Variants in PCMT1 observed in about 807,000 individuals in gnomAD.
PCMT1 encodes the protein protein-L-isoaspartate(D-aspartate) O-methyltransferase.
PCMT1 carries 9 observed loss-of-function variants against 29.2 expected under a neutral mutation model. The ratio of observed to expected loss-of-function variants is 0.31; its 90% CI spans 0.19 to 0.54. The LOEUF (loss-of-function observed/expected upper bound fraction) is 0.54, where lower values mean the gene tolerates loss of function less well. Among genes scored for constraint, PCMT1 ranks in the 20% least tolerant of loss-of-function variants. The probability of loss-of-function intolerance (pLI) is 0.95; values close to 1 mark genes in which losing one functional copy is unlikely to be tolerated. For synonymous variants in PCMT1, 98 were observed against 97.5 expected, an observed-to-expected ratio of 1.00 and a Z score of -0.03; for missense variants, 184 against 282.2, an observed-to-expected ratio of 0.65 and a Z score of 2.49.
intron 3 of PCMT1, among the ~76,000 whole-genome samples, chr6:149,789,038 G>A (rs1788239564): frequency 6.8e-6 from 1 of 146,182 alleles, no homozygotes; most frequent in Admixed American, 6.8e-5. Flanking sequence ...AGATCTGGTA[G>A]TAAATGTGTT....
chr6:149,770,800 G>A (rs1252380353), intron 1 of PCMT1, among the ~76,000 whole-genome samples: 4 of 149,574 alleles, frequency 2.7e-5, no homozygotes, highest in African/African-American at 7.4e-5. Context: ...TCAGGAGATC[G>A]AGACCATCCT....
chr6:149,795,732 T>G (rs1788581985), intron 5 of PCMT1: 1 of 245,760 alleles, frequency 4.1e-6, no homozygotes. Context: ...GTCTTTTGAA[T>G]GTAGTACTAT....
rs1426086809 is a variant in PCMT1 at position 149,771,902 on chromosome 6, G to A, written c.160+636G>A. The A allele has an allele frequency of 2.2e-5, 10 of 445,590 alleles. No homozygotes were observed. In the Middle Eastern group the frequency reaches 1.1e-3, roughly 51 times the overall value. 27.6% of individuals were successfully genotyped at this position (445,590 alleles called of 1,614,324 possible). On this transcript the variant is annotated intron_variant, in intron 2 of 7. Coordinates refer to ENST00000464889, the MANE Select transcript of PCMT1 (RefSeq NM_001360452.2). ...GGGCCTTAGTGTTGACTAAAGATTA[G>A]TTTTCAGGTTAGGATTAATTTTTTA... is the stretch of plus-strand genomic sequence containing the variant.
intron 3 of PCMT1, 44 bp from the exon 4 acceptor site, chr6:149,789,910 G>A (rs2115309067): frequency 1.5e-6 from 2 of 1,293,212 alleles, no homozygotes; most frequent in Non-Finnish European, 2.2e-6. Context: ...ATACCATGAT[G>A]TGTGTACTTT....
At chr6:149,774,947 T>C (rs1583025084) in intron 3 of PCMT1, among the ~76,000 whole-genome samples, 1 of 152,076 alleles carries the variant, frequency 6.6e-6, no homozygotes, top group African/African-American at 2.4e-5. Flanking sequence ...GACCTTGTGA[T>C]CCGCCCGCCT....
At chr6:149,792,568 A>T (rs1788415071) in intron 4 of PCMT1, among the ~76,000 whole-genome samples, 1 of 152,060 alleles carries the variant, frequency 6.6e-6, no homozygotes, top group African/African-American at 2.4e-5. Context: ...GCTGGAGTGC[A>T]GTGGCACGAT....
intron 1 of PCMT1, among the ~76,000 whole-genome samples, chr6:149,768,181 T>TA (rs1457784929): frequency 1.3e-5 from 2 of 152,032 alleles, no homozygotes; most frequent in Non-Finnish European, 2.9e-5. Flanking sequence ...AGCCTCAACT[T>TA]ACTGAGCTTA....
chr6:149,791,777 A>G (rs1788383166), intron 4 of PCMT1, among the ~76,000 whole-genome samples: 1 of 152,236 alleles, frequency 6.6e-6, no homozygotes, highest in African/African-American at 2.4e-5. Context: ...AATGCCATTT[A>G]ATAAATGACT....
chr6:149,806,858 CTGGGATTA>C (rs1398788046), intron 7 of PCMT1, among the ~76,000 whole-genome samples: 1 of 152,182 alleles, frequency 6.6e-6, no homozygotes, highest in Non-Finnish European at 1.5e-5. Context: ...TCCCAAAGTG[CTGGGATTA>C]CAGGCTTGAG....
At chr6:149,761,236 A>G (rs1273760952) in intron 1 of PCMT1, among the ~76,000 whole-genome samples, 1 of 149,228 alleles carries the variant, frequency 6.7e-6, no homozygotes, top group Non-Finnish European at 1.5e-5. Context: ...TCCTTGCTGT[A>G]TCTTGCTAAT....
chr6:149,750,195 G>A (rs1786247224), intron 1 of PCMT1: 1 of 594,528 alleles, frequency 1.7e-6, no homozygotes, highest in African/African-American at 1.9e-5. Context: ...TGCTGGTGGG[G>A]GCAGGGGCAG....
intron 1 of PCMT1, among the ~76,000 whole-genome samples, chr6:149,764,362 A>G (rs1182130666): frequency 6.6e-6 from 1 of 152,198 alleles, no homozygotes; most frequent in Non-Finnish European, 1.5e-5. Flanking sequence ...TTGAGACAAC[A>G]TAAGATTCTG....
At chr6:149,793,475 A>G in intron 4 of PCMT1, 74 bp from the exon 5 acceptor site, 1 of 1,304,290 alleles carries the variant, frequency 7.7e-7, no homozygotes, top group Admixed American at 3.0e-5. Flanking sequence ...ACTTTCGATA[A>G]GGAAAAACTT....
At chr6:149,786,758 G>A (rs1447432454) in intron 3 of PCMT1, among the ~76,000 whole-genome samples, 1 of 150,988 alleles carries the variant, frequency 6.6e-6, no homozygotes, top group East Asian at 2.0e-4. Flanking sequence ...CAGACGATGG[G>A]CGGCTGAGCA....
intron 3 of PCMT1, among the ~76,000 whole-genome samples, chr6:149,788,926 A>C (rs1006880060): frequency 6.6e-6 from 1 of 152,072 alleles, no homozygotes; most frequent in Non-Finnish European, 1.5e-5. Context: ...ATGTATCTAT[A>C]TATTTGTTGG....
chr6:149,771,274 T>TACC lies in PCMT1; in HGVS notation c.160+8_160+9insACC. On this transcript the variant is annotated intron_variant, in intron 2 of 7. Transcript: ENST00000464889. Reference sequence around the variant, plus strand: ...ATTCTCCACAATCAATAGGTAAGCTTTAGATTTCTGAAAATATCATAGTTT... The same window carrying TACC: ...ATTCTCCACAATCAATAGGTAAGCTTACCTAGATTTCTGAAAATATCATAGTTT... 1 of 1,494,232 alleles carries TACC rather than the reference T, an allele frequency of 6.7e-7. No individual in the cohort carries two copies. Among genetic ancestry groups the TACC allele is most frequent in the Non-Finnish European group, 9.3e-7 (1 of 1,077,132 alleles). 92.6% of individuals were successfully genotyped at this position (1,494,232 alleles called of 1,614,324 possible). A position where few individuals can be genotyped will look rare whatever the true frequency, so the allele number is the denominator to read the frequency against.
At chr6:149,794,648 G>C (rs1788524394) in intron 5 of PCMT1, 2 of 253,060 alleles carry the variant, frequency 7.9e-6, no homozygotes, top group South Asian at 6.8e-5. Context: ...TAAAGGCCCG[G>C]GCAGCTCTAG....
intron 3 of PCMT1, among the ~76,000 whole-genome samples, chr6:149,787,104 C>T (rs1390804536): frequency 2.1e-5 from 3 of 142,938 alleles, no homozygotes; most frequent in South Asian, 2.3e-4. Flanking sequence ...AGCGAAACCC[C>T]GTCTCCACCA....
chr6:149,810,325 A>G (rs960464903), intron 7 of PCMT1, among the ~76,000 whole-genome samples: 1 of 152,182 alleles, frequency 6.6e-6, no homozygotes, highest in African/African-American at 2.4e-5. Flanking sequence ...GATCTAAAAG[A>G]TATTTTTTCT....
Sources: allele counts gnomAD v4.1 joint callset (sites outside exome capture counted in the v4.1 genomes callset), GRCh38; gene constraint gnomAD v4.1.1; transcripts MANE v1.5; gene names NCBI Gene and HGNC (gene_info 2026-07-23, HGNC 2026-07-21).